TRPM3: variants seen among roughly 807,000 people sequenced by gnomAD.
TRPM3 encodes transient receptor potential cation channel subfamily M member 3.
TRPM3 carries 77 observed loss-of-function variants against 181.2 expected under a neutral mutation model. That is an observed-to-expected ratio of 0.42 (90% CI 0.35 to 0.51). The LOEUF is 0.51. Ranked by LOEUF, TRPM3 falls within the 20% of genes least tolerant of loss-of-function variation. The pLI is 0.01. For missense variants in TRPM3, 1,759 were observed against 2,196.7 expected, an observed-to-expected ratio of 0.80 and a Z score of 3.98; for synonymous variants, 745 against 796.4, an observed-to-expected ratio of 0.94 and a Z score of 1.09.
chr9:71,428,237 G>A (rs745317166), intron 1 of TRPM3, among the ~76,000 whole-genome samples: 27 of 148,832 alleles, frequency 1.8e-4, no homozygotes, highest in Admixed American at 6.7e-4. Context: ...GATTACAGGC[G>A]CCCGCCACCA....
chr9:70,635,135 G>A, intron 12 of TRPM3, 76 bp downstream of exon 12: 2 of 1,332,636 alleles, frequency 1.5e-6, no homozygotes, highest in Non-Finnish European at 1.1e-6. Flanking sequence ...GGCAGCTCAT[G>A]CAAAACAGAG....
chr9:70,668,924 A>C (rs1343437393), intron 9 of TRPM3, among the ~76,000 whole-genome samples: 1 of 152,230 alleles, frequency 6.6e-6, no homozygotes, highest in African/African-American at 2.4e-5. Flanking sequence ...AAGAAAGAAA[A>C]GTATGATTCC....
intron 1 of TRPM3, among the ~76,000 whole-genome samples, chr9:71,269,359 C>T (rs1375715226): frequency 9.4e-6 from 1 of 106,764 alleles, no homozygotes; most frequent in African/African-American, 4.0e-5. Flanking sequence ...TTTTGAGGGA[C>T]TCAGCAGGGG....
chr9:71,338,946 T>C (rs1051906568), intron 1 of TRPM3, among the ~76,000 whole-genome samples: 1 of 152,156 alleles, frequency 6.6e-6, no homozygotes, highest in Non-Finnish European at 1.5e-5. Flanking sequence ...CTATCTCTAT[T>C]TGTAGATAAC....
At chr9:71,208,470 T>C (rs2079266028) in intron 1 of TRPM3, among the ~76,000 whole-genome samples, 1 of 152,194 alleles carries the variant, frequency 6.6e-6, no homozygotes, top group African/African-American at 2.4e-5. Context: ...CAGTGGAACA[T>C]TTACAAGCAG....
chr9:71,420,989 G>GAGAGAGAAAGAGAGAGAGAAAA (rs2093757469), intron 1 of TRPM3, among the ~76,000 whole-genome samples: 1 of 101,804 alleles, frequency 9.8e-6, no homozygotes, highest in Non-Finnish European at 2.0e-5. Flanking sequence ...GAGAGAAAAA[G>GAGAGAGAAAGAGAGAGAGAAAA]AGAGAGAAAA....
chr9:71,100,978 T>C (rs1027816813), intron 1 of TRPM3, among the ~76,000 whole-genome samples: 4 of 152,160 alleles, frequency 2.6e-5, no homozygotes, highest in African/African-American at 7.2e-5. Flanking sequence ...CAAATCATGG[T>C]AGCATTTTTA....
At chr9:71,236,741 T>A (rs558156820) in intron 1 of TRPM3, among the ~76,000 whole-genome samples, 1 of 152,100 alleles carries the variant, frequency 6.6e-6, no homozygotes, top group South Asian at 2.1e-4. Context: ...AGGACACATA[T>A]GTAGGTATAT....
chr9:71,373,471 A>C (rs1250800977), intron 1 of TRPM3, among the ~76,000 whole-genome samples: 3 of 152,196 alleles, frequency 2.0e-5, no homozygotes, highest in African/African-American at 7.2e-5. Flanking sequence ...ATAGAAATAC[A>C]AACAACCATT....
At chr9:71,254,369 A>G (rs1157009714) in intron 1 of TRPM3, among the ~76,000 whole-genome samples, 1 of 152,222 alleles carries the variant, frequency 6.6e-6, no homozygotes, top group African/African-American at 2.4e-5. Flanking sequence ...TGTTGGTCAA[A>G]GAATATAAAA....
intron 1 of TRPM3, among the ~76,000 whole-genome samples, chr9:70,911,470 T>C (rs1015413626): frequency 6.6e-6 from 1 of 152,212 alleles, no homozygotes; most frequent in African/African-American, 2.4e-5. Context: ...ATGAACCCTC[T>C]TACAAATTTT....
At chr9:70,807,628 C>T (rs1284327825) in intron 6 of TRPM3, among the ~76,000 whole-genome samples, 1 of 152,178 alleles carries the variant, frequency 6.6e-6, no homozygotes, top group East Asian at 1.9e-4. Flanking sequence ...AGGCACTATG[C>T]AAGGTTTTCA....
intron 19 of TRPM3, among the ~76,000 whole-genome samples, chr9:70,606,732 T>C (rs2061231345): frequency 6.6e-6 from 1 of 151,956 alleles, no homozygotes; most frequent in Admixed American, 6.6e-5. Flanking sequence ...CTGTGAGTCT[T>C]ATTTAAGTAA....
intron 1 of TRPM3, among the ~76,000 whole-genome samples, chr9:70,994,206 T>C (rs898946258): frequency 2.6e-5 from 4 of 152,298 alleles, no homozygotes; most frequent in African/African-American, 7.2e-5. Flanking sequence ...ACTTCACTGA[T>C]AAAATAAAGC....
intron 17 of TRPM3, 70 bp from the exon 18 acceptor site, chr9:70,616,145 T>C (rs1192904587): frequency 1.0e-5 from 13 of 1,254,102 alleles, no homozygotes; most frequent in Non-Finnish European, 1.4e-5. Flanking sequence ...TTGTTTAGAA[T>C]CAGAGAGCCT....
intron 1 of TRPM3, among the ~76,000 whole-genome samples, chr9:70,979,671 C>T (rs2097343535): frequency 6.6e-6 from 1 of 152,150 alleles, no homozygotes; most frequent in Non-Finnish European, 1.5e-5. Flanking sequence ...CACCCCCTAC[C>T]CACACAAACT....
intron 8 of TRPM3, among the ~76,000 whole-genome samples, chr9:70,686,612 C>CCTT (rs764779904): frequency 0.31 from 32,086 of 101,964 alleles, 6,380 homozygotes; most frequent in East Asian, 0.44. Flanking sequence ...CTCCCTCCCG[C>CCTT]CCTTCCTGGA....
intron 1 of TRPM3, among the ~76,000 whole-genome samples, chr9:71,107,133 A>G (rs938985044): frequency 1.3e-5 from 2 of 152,154 alleles, no homozygotes; most frequent in African/African-American, 4.8e-5. Flanking sequence ...AGCAGTATAC[A>G]TTATAAATAT....
chr9:70,784,309 A>C, intron 6 of TRPM3, 30 bp from the exon 7 acceptor site: 1 of 1,545,566 alleles, frequency 6.5e-7, no homozygotes, highest in Non-Finnish European at 8.7e-7. Context: ...GAAAAGGAAA[A>C]AAAGAGAAAA....
Sources: gnomAD v4.1 joint callset for allele counts (sites outside exome capture counted in the v4.1 genomes callset) on GRCh38, gnomAD v4.1.1 for gene constraint, MANE v1.5 for transcripts, NCBI Gene and HGNC (gene_info 2026-07-23, HGNC 2026-07-21) for gene names.